The following CNIH3 variants were observed in gnomAD, a reference collection of about 807,000 sequenced individuals.
CNIH3 encodes cornichon family AMPA receptor auxiliary protein 3, also known as protein cornichon homolog 3.
In CNIH3, 14 loss-of-function variants were observed where a neutral mutation model predicts 24.1. The ratio of observed to expected loss-of-function variants is 0.58; its 90% CI spans 0.38 to 0.91. The LOEUF (loss-of-function observed/expected upper bound fraction) is 0.91. CNIH3 is among the 40% of genes least tolerant of loss of function. The pLI, the probability that CNIH3 is intolerant of heterozygous loss-of-function variation, is 0.00. For synonymous variants in CNIH3, 68 were observed against 73.8 expected (o/e 0.92, Z 0.40); for missense variants, 178 against 196.8 (o/e 0.90, Z 0.57).
rs549140491 is a variant in CNIH3 at position 224,470,034 on chromosome 1, T to A, written n.203+35172T>A. 6.6e-5 allele frequency among the ~76,000 whole-genome samples: 10 copies of A among 152,064 alleles called. No homozygotes were observed. In the East Asian group the frequency reaches 1.5e-3, roughly 23 times the overall value. The stretch of plus-strand genomic sequence containing the variant: ...TTATTCTTCTTCTTCTTTTTTTTTT[T>A]TGGAGACAGAGTCTCGCTTTGTTGC... On this transcript the variant is annotated intron_variant and non_coding_transcript_variant, in intron 1 of 5. Transcript: ENST00000471578.
At chr1:224,674,459 G>T (rs1314924726) in intron 1 of CNIH3, among the ~76,000 whole-genome samples, 1 of 151,898 alleles carries the variant, frequency 6.6e-6, no homozygotes, top group Non-Finnish European at 1.5e-5. Flanking sequence ...TCTTGAGGTG[G>T]GTCCACCCTG....
At chr1:224,566,278 G>T (rs150495543) in intron 4 of CNIH3, 1 of 151,792 alleles carries the variant, frequency 6.6e-6, no homozygotes, top group South Asian at 2.1e-4. Flanking sequence ...AGCATTACTT[G>T]CAACTCTCTT....
intron 3 of CNIH3, among the ~76,000 whole-genome samples, chr1:224,694,789 A>T (rs1687087144): frequency 6.6e-6 from 1 of 152,242 alleles, no homozygotes; most frequent in Non-Finnish European, 1.5e-5. Context: ...CCTTTGCGGC[A>T]ACTTGGATGG....
At chr1:224,571,079 G>A (rs1270173720) in intron 4 of CNIH3, among the ~76,000 whole-genome samples, 2 of 152,084 alleles carry the variant, frequency 1.3e-5, no homozygotes, top group Non-Finnish European at 1.5e-5. Context: ...TTAATTCCTA[G>A]AGCTTTTTAA....
intron 3 of CNIH3, among the ~76,000 whole-genome samples, chr1:224,692,482 C>T (rs868091035): frequency 5.3e-5 from 8 of 152,210 alleles, no homozygotes; most frequent in Admixed American, 6.5e-5. Context: ...AAAAGGGATA[C>T]GTAAACTCAA....
chr1:224,627,800 C>T (rs1683612890), intron 1 of CNIH3, among the ~76,000 whole-genome samples: 1 of 152,198 alleles, frequency 6.6e-6, no homozygotes, highest in Non-Finnish European at 1.5e-5. Flanking sequence ...TGGCTTCTCT[C>T]TCCAGGGGGC....
chr1:224,550,103 GA>G (rs1438068951), intron 3 of CNIH3, among the ~76,000 whole-genome samples: 2 of 151,942 alleles, frequency 1.3e-5, no homozygotes, highest in Non-Finnish European at 2.9e-5. Flanking sequence ...AGATATTATA[GA>G]AATATCAGTG....
intron 3 of CNIH3, among the ~76,000 whole-genome samples, chr1:224,558,840 T>C (rs1015604286): frequency 6.6e-5 from 10 of 152,246 alleles, no homozygotes; most frequent in Middle Eastern, 3.2e-3. Context: ...TTAGACCAAA[T>C]GCTGCAACTT....
In CNIH3 at chr1:224,703,949, C is replaced by G. The variant is rs780651982; in HGVS notation, c.198+19106C>G. Among the ~76,000 whole-genome samples the G allele has an allele frequency of 2.0e-5, 3 of 152,196 alleles. No homozygotes were observed. Among genetic ancestry groups the G allele is most frequent in the Non-Finnish European group, 4.4e-5 (3 of 68,040 alleles). On this transcript the variant is annotated intron_variant, in intron 3 of 5. Transcript: ENST00000272133. This position sits in a 1 kb window ranked among gnomAD's most constrained non-coding sequence, Gnocchi z 4.2. ...CCTCAGCCTACGACGTATTCCAACT[C>G]AAAGGGAGCAACGGTGCACCAATCA...
At chr1:224,683,003 T>G (rs1686477916) in intron 2 of CNIH3, among the ~76,000 whole-genome samples, 2 of 152,156 alleles carry the variant, frequency 1.3e-5, no homozygotes, top group Non-Finnish European at 2.9e-5. Flanking sequence ...TGGCAAAGAA[T>G]AAGGAAATTT....
intron 1 of CNIH3, among the ~76,000 whole-genome samples, chr1:224,472,567 A>G (rs576676945): frequency 1.3e-5 from 2 of 152,304 alleles, no homozygotes; most frequent in East Asian, 3.9e-4. Context: ...ATTCTTACTA[A>G]TATGTGGGAG....
chr1:224,602,978 GA>G (rs1310951923), intron 3 of CNIH3, among the ~76,000 whole-genome samples: 1 of 152,034 alleles, frequency 6.6e-6, no homozygotes, highest in Non-Finnish European at 1.5e-5. Flanking sequence ...TGTCTGTGGG[GA>G]AAAAAAGCAA....
chr1:224,629,566 C>A lies in CNIH3; in HGVS notation c.81+12311C>A, dbSNP rs1360750137. On this transcript the variant is annotated intron_variant, in intron 1 of 5. Transcript: ENST00000272133. Reference sequence around the variant, plus strand: ...TTGTCGACGAACACTGGGTTGCTTCCACCTTTTGGCTACAGTGGATAATGC... The same window carrying A: ...TTGTCGACGAACACTGGGTTGCTTCAACCTTTTGGCTACAGTGGATAATGC... 2.0e-5 allele frequency among the ~76,000 whole-genome samples: 3 copies of A among 152,112 alleles called. No individual in the cohort carries two copies. The East Asian group carries it at 5.8e-4, about 30-fold the overall frequency.
intron 1 of CNIH3, among the ~76,000 whole-genome samples, chr1:224,445,218 T>A (rs1162162559): frequency 6.6e-6 from 1 of 152,100 alleles, no homozygotes; most frequent in Non-Finnish European, 1.5e-5. Flanking sequence ...TTTTTGCTAT[T>A]TGGATGTTTT....
At chr1:224,719,433 C>G (rs934984766) in intron 3 of CNIH3, among the ~76,000 whole-genome samples, 1 of 152,036 alleles carries the variant, frequency 6.6e-6, no homozygotes, top group Non-Finnish European at 1.5e-5. Context: ...AAAGGAAGAT[C>G]TATTGGTTTA....
chr1:224,452,558 G>A (rs1159613956), intron 1 of CNIH3, among the ~76,000 whole-genome samples: 3 of 151,648 alleles, frequency 2.0e-5, no homozygotes, highest in African/African-American at 4.8e-5. Context: ...AAGGTGGGCG[G>A]ATCACAAGGT....
intron 1 of CNIH3, among the ~76,000 whole-genome samples, chr1:224,667,924 C>T (rs925586125): frequency 5.3e-5 from 8 of 152,104 alleles, no homozygotes; most frequent in African/African-American, 1.9e-4. Context: ...GTATAGTGGC[C>T]GCTCCCATGG....
Position 224,704,917 on chromosome 1 carries a change from C to T in CNIH3, c.198+20074C>T, listed in dbSNP as rs1007332093. Among the ~76,000 whole-genome samples, 2 of 152,152 alleles carry T rather than the reference C, an allele frequency of 1.3e-5. No homozygotes were observed. The highest frequency in any genetic ancestry group is 4.8e-5 in the African/African-American group (2 of 41,432). Reference sequence around the variant, plus strand: ...CTGAGGTCAAGAGTTCAAGACCAGCCTGACCAATGTGATGAAACCCCGTCT... The same window carrying T: ...CTGAGGTCAAGAGTTCAAGACCAGCTTGACCAATGTGATGAAACCCCGTCT... On this transcript the variant is annotated intron_variant, in intron 3 of 5. Coordinates refer to ENST00000272133, the MANE Select transcript of CNIH3 (RefSeq NM_152495.2). This position sits in a 1 kb window ranked among gnomAD's most constrained non-coding sequence, Gnocchi z 4.2.
intron 1 of CNIH3, among the ~76,000 whole-genome samples, chr1:224,465,816 T>C (rs1676131303): frequency 6.6e-6 from 1 of 151,976 alleles, no homozygotes. Flanking sequence ...TCACCTGATG[T>C]CAGGAGTTTG....
Sources: gnomAD v4.1 joint callset for allele counts (sites outside exome capture counted in the v4.1 genomes callset) on GRCh38, gnomAD v4.1.1 for gene constraint, Gnocchi (gnomAD v3.1) non-coding constraint, MANE v1.5 for transcripts, NCBI Gene and HGNC (gene_info 2026-07-23, HGNC 2026-07-21) for gene names.